The following TRMT1 variants were observed in gnomAD, a reference collection of about 807,000 sequenced individuals.
TRMT1 encodes the protein tRNA methyltransferase 1.
In TRMT1, 63 loss-of-function variants were observed where a neutral mutation model predicts 75.4. The observed-to-expected ratio is 0.84, with a 90% confidence interval of 0.68 to 1.03. TRMT1 has a LOEUF of 1.03. TRMT1 is among the 50% of genes least tolerant of loss of function. TRMT1 has a pLI of 0.00. For synonymous variants in TRMT1, 382 were observed against 358.1 expected, an observed-to-expected ratio of 1.07 and a Z score of -0.75; for missense variants, 870 against 905.3, an observed-to-expected ratio of 0.96 and a Z score of 0.50.
At chr19:13,106,892 G>A (rs1358582671) in intron 14 of TRMT1, among the ~76,000 whole-genome samples, 1 of 149,944 alleles carries the variant, frequency 6.7e-6, no homozygotes, top group East Asian at 2.0e-4. Context: ...GCGCTATCTC[G>A]GCTCACTGCA....
rs2019193009 is a variant in TRMT1 at position 13,112,802 on chromosome 19, G to T, written c.773C>A (p.Thr258Asn). The change falls in exon 7 of 17, where the codon ACC becomes AAC. Residue 258 changes from threonine (T) to asparagine (N), a missense_variant. Transcript: ENST00000357720. The part of the protein sequence containing the change: ...AVSEGGLLCV[T>N]CTDMAVLAGN... ...CGCCAACACCGCCATGTCTGTGCAG[G>T]TCACACACAGCAACCCTGCAGAGAG... The T allele has an allele frequency of 2.5e-6, 4 of 1,614,140 alleles. No individual in the cohort carries two copies. In the East Asian group the frequency reaches 8.9e-5, roughly 36 times the overall value.
chr19:13,114,247 C>T (rs1014306952), intron 5 of TRMT1, among the ~76,000 whole-genome samples: 6 of 152,186 alleles, frequency 3.9e-5, no homozygotes, highest in African/African-American at 1.2e-4. Context: ...CTAGGCCGGG[C>T]GCAGTGGCTC....
intron 7 of TRMT1, among the ~76,000 whole-genome samples, chr19:13,111,315 C>T (rs915267644): frequency 6.6e-6 from 1 of 152,092 alleles, no homozygotes; most frequent in African/African-American, 2.4e-5. Flanking sequence ...GGATTACAGG[C>T]ATGAGCCGCT....
rs1003767789 is a variant in TRMT1 at position 13,105,403 on chromosome 19, G to A, written c.1704-7C>T. On this transcript the variant is annotated splice_region_variant and splice_polypyrimidine_tract_variant and intron_variant, in intron 15 of 16. Transcript: ENST00000357720. Reference sequence around the variant, plus strand: ...TTCGTCGGCCGCCTTGCCCCTGTGCGAGGGGAGGAGTAGGTGGGACCCCAT... The same window carrying A: ...TTCGTCGGCCGCCTTGCCCCTGTGCAAGGGGAGGAGTAGGTGGGACCCCAT... 5 of 1,613,518 alleles carry A rather than the reference G, an allele frequency of 3.1e-6. No homozygotes were observed. The highest frequency in any genetic ancestry group is 2.2e-5 in the East Asian group (1 of 44,894).
At position 13,105,266 on chromosome 19, in the gene TRMT1, C is replaced by T; in HGVS notation, c.1833+1G>A. Reference sequence around the variant, plus strand: ...TGGAGGAAAGGGAGGAGGGACCTCACCTCCTTAAACCTCTTGCAAGGAAAT... The same window carrying T: ...TGGAGGAAAGGGAGGAGGGACCTCATCTCCTTAAACCTCTTGCAAGGAAAT... On this transcript the variant is annotated splice_donor_variant, in intron 16 of 16. Transcript: ENST00000357720. LOFTEE classifies it high-confidence loss of function. 5 of 1,612,468 alleles carry T rather than the reference C, an allele frequency of 3.1e-6. No homozygotes were observed. The South Asian group carries it at 3.3e-5, about 11-fold the overall frequency.
chr19:13,114,602 C>G (rs961906606), intron 5 of TRMT1, among the ~76,000 whole-genome samples: 1 of 152,230 alleles, frequency 6.6e-6, no homozygotes, highest in Non-Finnish European at 1.5e-5. Context: ...GCGGAGGTTG[C>G]AGTGAGCCAA....
intron 5 of TRMT1, among the ~76,000 whole-genome samples, chr19:13,114,540 C>T (rs1354289604): frequency 6.6e-6 from 1 of 152,190 alleles, no homozygotes; most frequent in African/African-American, 2.4e-5. Context: ...TGTCTGTAGT[C>T]CCAGCTACTC....
In TRMT1 at chr19:13,105,470, A is replaced by AC. The variant is rs758627237; in HGVS notation, c.1703+16dup. On this transcript the variant is annotated intron_variant, in intron 15 of 16. Coordinates refer to ENST00000357720, the MANE Select transcript of TRMT1 (RefSeq NM_001136035.4). ...CTTTCCCTGGCTGAGCCCCACCCCC[A>AC]CCTTACCACCACTCACCCTGGCCGG... 8 of 1,612,786 alleles carry AC rather than the reference A, an allele frequency of 5.0e-6. No individual in the cohort carries two copies. The highest frequency in any genetic ancestry group is 4.4e-5 in the South Asian group (4 of 91,028).
intron 5 of TRMT1, among the ~76,000 whole-genome samples, chr19:13,114,047 A>G (rs1454149480): frequency 1.3e-5 from 2 of 152,204 alleles, no homozygotes. Flanking sequence ...CCAGCTAATT[A>G]CTTTTCATTG....
Position 13,109,531 on chromosome 19 carries a change from G to A in TRMT1, c.1311+19C>T, listed in dbSNP as rs770558782. On this transcript the variant is annotated intron_variant, in intron 11 of 16. Transcript: ENST00000357720. ...GGGCACAGGTGGAGCCCCCTTCCCC[G>A]TCACAGCCCGGCTCTCACCTCAGTG... 1.6e-5 allele frequency: 26 copies of A among 1,613,782 alleles called. No homozygotes were observed. Among genetic ancestry groups the A allele is most frequent in the East Asian group, 6.7e-5 (3 of 44,878 alleles).
chr19:13,105,497 CACGAGG>C lies in TRMT1; in HGVS notation c.1687_1692del (p.Pro563_Arg564del). The stretch of plus-strand genomic sequence containing the variant: ...CTTACCACCACTCACCCTGGCCGGG[CACGAGG>C]CCGGGGACCCCAGTTGGCCTCCGGG... On this transcript the variant is annotated inframe_deletion, in exon 15 of 17. Transcript: ENST00000357720. 1 of 1,614,058 alleles carries C rather than the reference CACGAGG, an allele frequency of 6.2e-7. No homozygotes were observed. The highest frequency in any genetic ancestry group is 1.1e-5 in the South Asian group (1 of 91,084).
intron 12 of TRMT1, among the ~76,000 whole-genome samples, chr19:13,108,410 C>T (rs1057412944): frequency 6.6e-6 from 1 of 152,142 alleles, no homozygotes; most frequent in African/African-American, 2.4e-5. Context: ...CCTGTCTCAG[C>T]CTCCTGAGTA....
At chr19:13,112,525 C>T (rs781422054) in intron 7 of TRMT1, among the ~76,000 whole-genome samples, 180 bp downstream of exon 7, 1 of 152,234 alleles carries the variant, frequency 6.6e-6, no homozygotes, top group African/African-American at 2.4e-5. Context: ...TGATTATCAG[C>T]CATGCTCTTA....
At chr19:13,108,912 ATTT>A (rs74181811) in intron 12 of TRMT1, among the ~76,000 whole-genome samples, 8 of 126,066 alleles carry the variant, frequency 6.3e-5, no homozygotes, top group Non-Finnish European at 8.2e-5. Flanking sequence ...GCCTGGCCTA[ATTT>A]TTTTTTTTTT....
intron 15 of TRMT1, 35 bp from the exon 16 acceptor site, chr19:13,105,431 G>A (rs1371446887): frequency 6.2e-7 from 1 of 1,613,566 alleles, no homozygotes; most frequent in Non-Finnish European, 8.5e-7. Flanking sequence ...GACCCCATCT[G>A]CCCTTTACCC....
intron 14 of TRMT1, among the ~76,000 whole-genome samples, chr19:13,106,579 G>A (rs746600643): frequency 6.7e-6 from 1 of 148,758 alleles, no homozygotes; most frequent in Non-Finnish European, 1.5e-5. Flanking sequence ...AGGTTCAAGC[G>A]ATTCACCTGC....
chr19:13,107,702 G>A (rs1382456033), intron 13 of TRMT1, 49 bp downstream of exon 13: 2 of 1,568,572 alleles, frequency 1.3e-6, no homozygotes, highest in East Asian at 2.4e-5. Flanking sequence ...GGACCTCCAG[G>A]TGACCACCAC....
At chr19:13,107,898 C>T in intron 12 of TRMT1, 39 bp from the exon 13 acceptor site, 1 of 1,535,510 alleles carries the variant, frequency 6.5e-7, no homozygotes, top group Non-Finnish European at 8.8e-7. Context: ...ATGCCGGACT[C>T]CTTGACCCCA....
At position 13,104,965 on chromosome 19, in the gene TRMT1, A is replaced by C. The variant is rs1599915232; in HGVS notation, c.1950T>G (p.Pro650=). The C allele has an allele frequency of 6.2e-7, 1 of 1,613,724 alleles. No homozygotes were observed. Among genetic ancestry groups the C allele is most frequent in the Non-Finnish European group, 8.5e-7 (1 of 1,179,880 alleles). Residue 650 remains proline (P), a synonymous_variant, in exon 17 of 17, where the codon CCT becomes CCG. Coordinates refer to ENST00000357720, the MANE Select transcript of TRMT1 (RefSeq NM_001136035.4). ...CTATGCCTGGCCCAGCGGCAGCCCC[A>C]GGTCCAGGGGGGGTCTGGTTGGAGG... ...PETSNQTPPG[P]GAAAGPGID
Sources: allele counts gnomAD v4.1 joint callset (sites outside exome capture counted in the v4.1 genomes callset), GRCh38; gene constraint gnomAD v4.1.1; transcripts MANE v1.5; gene names NCBI Gene and HGNC (gene_info 2026-07-23, HGNC 2026-07-21).